MYRIP: variants seen among roughly 807,000 people sequenced by gnomAD.
MYRIP encodes the protein myosin VIIA and Rab interacting protein.
Under a neutral mutation model 98.0 loss-of-function variants are expected in MYRIP, and 49 were observed. That is an observed-to-expected ratio of 0.50 (90% CI 0.40 to 0.63). The LOEUF is 0.63. Among genes scored for constraint, MYRIP ranks in the 30% least tolerant of loss-of-function variants. The probability of loss-of-function intolerance (pLI) is 0.00; values close to 1 mark genes in which losing one functional copy is unlikely to be tolerated. For missense variants in MYRIP, 1,004 were observed against 1,058.2 expected (o/e 0.95, Z 0.71); for synonymous variants, 404 against 409.5 (o/e 0.99, Z 0.16).
chr3:39,867,481 T>A (rs1942659303), intron 1 of MYRIP, among the ~76,000 whole-genome samples: 1 of 90,072 alleles, frequency 1.1e-5, no homozygotes, highest in Non-Finnish European at 2.1e-5. Flanking sequence ...AGCAAAAAGC[T>A]CACAAATCCC....
intron 1 of MYRIP, among the ~76,000 whole-genome samples, chr3:39,813,539 GTTACACACTCTAAGT>G (rs139805318): frequency 0.013 from 1,933 of 152,298 alleles, 45 homozygotes; most frequent in African/African-American, 0.043. Context: ...CACCTTGAAA[GTTACACACTCTAAGT>G]TTACACACTA....
intron 9 of MYRIP, among the ~76,000 whole-genome samples, chr3:40,183,988 T>C (rs1356945478): frequency 6.6e-6 from 1 of 152,244 alleles, no homozygotes; most frequent in Non-Finnish European, 1.5e-5. Context: ...ATTTTTATAT[T>C]AACCTTTTAG....
At chr3:39,827,635 T>C (rs571335790) in intron 1 of MYRIP, among the ~76,000 whole-genome samples, 1 of 152,300 alleles carries the variant, frequency 6.6e-6, no homozygotes, top group South Asian at 2.1e-4. Flanking sequence ...TTTTTTTTCT[T>C]CTTTGTGCAT....
At position 40,162,782 on chromosome 3, in the gene MYRIP, T is replaced by A. The variant is rs372732487; in HGVS notation, c.522T>A (p.Ser174Arg). 6.8e-6 allele frequency: 11 copies of A among 1,613,954 alleles called. No homozygotes were observed. Among genetic ancestry groups the A allele is most frequent in the Non-Finnish European group, 9.3e-6 (11 of 1,179,980 alleles). Residue 174 changes from serine to arginine, a missense_variant, in exon 5 of 17, where the codon AGT (serine) becomes AGA (arginine). This residue lies in a region of MYRIP where 880 missense variants were observed against 907.7 expected (regional missense o/e 0.97). Transcript: ENST00000302541. ...NLENEGSISG[S>R]DSTFYRQSEG... ...AGAATGAAGGAAGCATTTCTGGCAG[T>A]GATTCAACATTTTATAGGCAGTCAG... is the stretch of plus-strand genomic sequence containing the variant.
chr3:39,986,723 C>T (rs994591425), intron 2 of MYRIP, among the ~76,000 whole-genome samples: 10 of 152,246 alleles, frequency 6.6e-5, no homozygotes, highest in South Asian at 2.1e-4. Context: ...ATATAACCCC[C>T]GTGGGTAGGG....
At chr3:39,920,336 A>G (rs2125690144) in intron 2 of MYRIP, among the ~76,000 whole-genome samples, 1 of 152,256 alleles carries the variant, frequency 6.6e-6, no homozygotes, top group Middle Eastern at 3.4e-3. Flanking sequence ...TATTATTATT[A>G]GATTATTCTC....
intron 1 of MYRIP, among the ~76,000 whole-genome samples, chr3:39,885,616 C>T (rs1009320750): frequency 9.9e-5 from 15 of 152,092 alleles, no homozygotes; most frequent in South Asian, 2.1e-4. Context: ...CCATTCTCCC[C>T]GTCGCTTTCA....
chr3:39,967,211 A>G (rs1474538638), intron 2 of MYRIP, among the ~76,000 whole-genome samples: 1 of 152,126 alleles, frequency 6.6e-6, no homozygotes, highest in East Asian at 1.9e-4. Flanking sequence ...CCCAGTACCC[A>G]ATAGTTATCT....
chr3:40,034,967 GCA>G lies in MYRIP; in HGVS notation c.111-9080_111-9079del, dbSNP rs1285955226. 1.1e-3 allele frequency among the ~76,000 whole-genome samples: 168 copies of G among 150,092 alleles called. 1 individual carries two copies. The highest frequency in any genetic ancestry group is 3.8e-3 in the African/African-American group (156 of 40,752). ...AAATCATCATTCTCAGTAAACTATC[GCA>G]CAGACAAAAAACCAAACACCGCATG... On this transcript the variant is annotated intron_variant, in intron 2 of 16. Transcript: ENST00000302541.
chr3:39,959,668 A>G (rs1945272104), intron 2 of MYRIP, among the ~76,000 whole-genome samples: 1 of 145,546 alleles, frequency 6.9e-6, no homozygotes, highest in South Asian at 2.2e-4. Flanking sequence ...TACTTAAAGT[A>G]TACTTTAAAA....
At chr3:39,917,238 A>G (rs1352520408) in intron 2 of MYRIP, among the ~76,000 whole-genome samples, 1 of 151,844 alleles carries the variant, frequency 6.6e-6, no homozygotes, top group Non-Finnish European at 1.5e-5. Context: ...AGATACAGCC[A>G]CTTAGTCTGA....
chr3:40,131,872 ATC>A (rs944122935), intron 3 of MYRIP, among the ~76,000 whole-genome samples: 4 of 152,044 alleles, frequency 2.6e-5, no homozygotes, highest in African/African-American at 9.7e-5. Flanking sequence ...CTAGAAAAAT[ATC>A]TCTAATTTTT....
intron 2 of MYRIP, among the ~76,000 whole-genome samples, chr3:40,007,065 G>A (rs1178043676): frequency 6.6e-6 from 1 of 152,266 alleles, no homozygotes; most frequent in South Asian, 2.1e-4. Flanking sequence ...GCAAATGCTG[G>A]GGGGAAATGT....
intron 3 of MYRIP, among the ~76,000 whole-genome samples, chr3:40,056,121 C>A (rs1947880734): frequency 6.6e-6 from 1 of 152,174 alleles, no homozygotes. Context: ...TTGTGTGGTT[C>A]TTTGAAGATC....
Position 40,166,887 on chromosome 3 carries a change from G to C in MYRIP, c.592G>C (p.Ala198Pro). 6.2e-7 allele frequency: 1 copy of C among 1,614,054 alleles called. No homozygotes were observed. The highest frequency in any genetic ancestry group is 8.5e-7 in the Non-Finnish European group (1 of 1,179,976). ...CACCTTGGCTGTGGCCCTACGGGTG[G>C]CTGAAGAGGCCATTGAGGAAGCAAT... ...MDTLAVALRV[A>P]EEAIEEAISK... The change falls in exon 6 of 17, where the codon GCT becomes CCT. Residue 198 changes from alanine to proline, a missense_variant. Ala to Pro is a conservative substitution (Grantham distance 27). Around this residue, in one of 3 missense-constraint regions of MYRIP, gnomAD observed 880 missense variants for 907.7 expected, o/e 0.97. Transcript: ENST00000302541.
rs564553938 is a variant in MYRIP, at chr3:40,017,537, A to T, written c.111-26513A>T. 2.0e-5 allele frequency among the ~76,000 whole-genome samples: 3 copies of T among 152,292 alleles called. No homozygotes were observed. The South Asian group carries it at 6.2e-4, about 32-fold the overall frequency. ...TGAACATCTAATTACTCATATTTGT[A>T]TCTCTGTTTGTTTTGCTTGAATACC... On this transcript the variant is annotated intron_variant, in intron 2 of 16. Coordinates refer to ENST00000302541, the MANE Select transcript of MYRIP (RefSeq NM_015460.4).
intron 8 of MYRIP, chr3:40,173,056 G>A (rs911813091): frequency 2.0e-5 from 3 of 152,188 alleles, no homozygotes; most frequent in South Asian, 2.1e-4. Context: ...GAGAGGTATG[G>A]GAAGGGGGTC....
At chr3:39,976,962 G>C (rs577727065) in intron 2 of MYRIP, among the ~76,000 whole-genome samples, 2 of 151,996 alleles carry the variant, frequency 1.3e-5, no homozygotes. Flanking sequence ...CGAGTTAATG[G>C]GTGCAGGACA....
chr3:39,883,050 G>A (rs1315449202), intron 1 of MYRIP, among the ~76,000 whole-genome samples: 1 of 152,126 alleles, frequency 6.6e-6, no homozygotes, highest in East Asian at 1.9e-4. Context: ...CCCATTATGG[G>A]GCACAATGAT....
Sources: gnomAD v4.1 joint callset for allele counts (sites outside exome capture counted in the v4.1 genomes callset) on GRCh38, gnomAD v4.1.1 for gene constraint, gnomAD v4.1.1 regional missense constraint, MANE v1.5 for transcripts, NCBI Gene and HGNC (gene_info 2026-07-23, HGNC 2026-07-21) for gene names.